Variants in GRIK2 observed in about 807,000 individuals in gnomAD.
GRIK2 encodes glutamate receptor ionotropic, kainate 2.
In GRIK2, 32 loss-of-function variants were observed where a neutral mutation model predicts 100.3. The observed-to-expected ratio is 0.32, with a 90% CI of 0.24 to 0.43. The LOEUF (loss-of-function observed/expected upper bound fraction) is 0.43, where lower values mean the gene tolerates loss of function less well. Among genes scored for constraint, GRIK2 ranks in the 20% least tolerant of loss-of-function variants. The probability of loss-of-function intolerance (pLI) is 1.00; values close to 1 mark genes in which losing one functional copy is unlikely to be tolerated. For synonymous variants in GRIK2, 417 were observed against 389.4 expected (o/e 1.07, Z -0.83); for missense variants, 843 against 1,114.9 (o/e 0.76, Z 3.47).
At chr6:101,919,490 G>A (rs1789355108) in intron 12 of GRIK2, among the ~76,000 whole-genome samples, 2 of 151,790 alleles carry the variant, frequency 1.3e-5, no homozygotes, top group South Asian at 2.1e-4. Context: ...AAGTTATTTG[G>A]TTCAATTTTA....
intron 2 of GRIK2, among the ~76,000 whole-genome samples, chr6:101,557,987 C>G (rs1348339324): frequency 6.6e-6 from 1 of 152,222 alleles, no homozygotes; most frequent in Non-Finnish European, 1.5e-5. Context: ...CATACCTCAA[C>G]TGCCCTTCGG....
chr6:101,786,908 A>G (rs1001752571), intron 7 of GRIK2, among the ~76,000 whole-genome samples: 1 of 152,000 alleles, frequency 6.6e-6, no homozygotes, highest in Non-Finnish European at 1.5e-5. Context: ...TTATTTTTTA[A>G]AAGTTAGGTA....
chr6:102,058,003 GA>G (rs1344691135), intron 16 of GRIK2, among the ~76,000 whole-genome samples: 1 of 151,350 alleles, frequency 6.6e-6, no homozygotes, highest in Non-Finnish European at 1.5e-5. Flanking sequence ...CTATTGCAAT[GA>G]AAAAAAATGT....
At chr6:101,648,032 A>C (rs533582526) in intron 4 of GRIK2, among the ~76,000 whole-genome samples, 8 of 152,178 alleles carry the variant, frequency 5.3e-5, no homozygotes, top group Admixed American at 5.2e-4. Context: ...TGACAATTAA[A>C]AATATCTCCA....
At chr6:101,987,781 T>A (rs1794101759) in intron 14 of GRIK2, among the ~76,000 whole-genome samples, 1 of 151,538 alleles carries the variant, frequency 6.6e-6, no homozygotes, top group East Asian at 1.9e-4. Flanking sequence ...GTGTAGGTAA[T>A]CAACATAAAT....
chr6:101,783,622 GA>G (rs1779242711), intron 7 of GRIK2, among the ~76,000 whole-genome samples: 1 of 152,196 alleles, frequency 6.6e-6, no homozygotes, highest in Non-Finnish European at 1.5e-5. Context: ...AAGTACACAG[GA>G]AAGTGGGGAA....
chr6:101,603,593 AC>A (rs1779319056), intron 2 of GRIK2, among the ~76,000 whole-genome samples: 2 of 151,734 alleles, frequency 1.3e-5, no homozygotes, highest in African/African-American at 4.8e-5. Context: ...TTTGCTTCTT[AC>A]TCTCTTTTGG....
chr6:101,617,409 C>T (rs1779939081), intron 2 of GRIK2, among the ~76,000 whole-genome samples: 1 of 151,762 alleles, frequency 6.6e-6, no homozygotes, highest in Non-Finnish European at 1.5e-5. Context: ...AGATTCATCT[C>T]ATGTTATTGC....
intron 2 of GRIK2, among the ~76,000 whole-genome samples, chr6:101,492,192 A>G (rs1250028359): frequency 3.3e-5 from 5 of 151,908 alleles, no homozygotes; most frequent in African/African-American, 1.2e-4. Context: ...CCTTTTACTT[A>G]TTAGTTTAAA....
rs543786658 is a variant in GRIK2, at chr6:102,025,945, T to C, written c.2086-9396T>C. ...TCTCCTCACCTGAAAAGGCCTGGCG[T>C]TAAGGGCCATGTTGGTTAAAGCTCC... On this transcript the variant is annotated intron_variant, in intron 14 of 16. Transcript: ENST00000369134. 3.3e-5 allele frequency among the ~76,000 whole-genome samples: 5 copies of C among 150,694 alleles called. No homozygotes were observed. The South Asian group carries it at 8.3e-4, about 25-fold the overall frequency.
chr6:101,442,994 G>T (rs977166353), intron 2 of GRIK2, among the ~76,000 whole-genome samples: 1 of 152,100 alleles, frequency 6.6e-6, no homozygotes, highest in East Asian at 1.9e-4. Flanking sequence ...ATAGAATAGT[G>T]CATGAATAAT....
At chr6:101,503,371 G>A (rs990813245) in intron 2 of GRIK2, among the ~76,000 whole-genome samples, 1 of 152,062 alleles carries the variant, frequency 6.6e-6, no homozygotes, top group Non-Finnish European at 1.5e-5. Context: ...GAGGAAGAAG[G>A]GGGGAAAGAG....
At chr6:101,531,660 A>C (rs2128284929) in intron 2 of GRIK2, among the ~76,000 whole-genome samples, 1 of 152,030 alleles carries the variant, frequency 6.6e-6, no homozygotes, top group Admixed American at 6.6e-5. Context: ...CATTATGAAT[A>C]GTTCCCTTAA....
chr6:101,938,417 T>G (rs1027260302), intron 14 of GRIK2, among the ~76,000 whole-genome samples: 2 of 152,140 alleles, frequency 1.3e-5, no homozygotes, highest in African/African-American at 2.4e-5. Flanking sequence ...TGCTTGTTCA[T>G]AAGTGTTGAT....
At chr6:101,815,620 T>TAAA (rs3995810) in intron 9 of GRIK2, among the ~76,000 whole-genome samples, 199 of 142,178 alleles carry the variant, frequency 1.4e-3, no homozygotes, top group East Asian at 4.6e-3. Flanking sequence ...GTTTCAGAGC[T>TAAA]AAAAAAAAAA....
At chr6:101,615,605 C>T (rs1779854904) in intron 2 of GRIK2, among the ~76,000 whole-genome samples, 1 of 151,754 alleles carries the variant, frequency 6.6e-6, no homozygotes, top group East Asian at 1.9e-4. Flanking sequence ...GCAATTATCT[C>T]TTCATGGATC....
intron 11 of GRIK2, among the ~76,000 whole-genome samples, chr6:101,860,581 A>G (rs1784678472): frequency 6.6e-6 from 1 of 152,156 alleles, no homozygotes; most frequent in South Asian, 2.1e-4. Flanking sequence ...CATTCTCTGA[A>G]GATGGCTATA....
At chr6:101,744,185 G>A (rs371707154) in intron 7 of GRIK2, among the ~76,000 whole-genome samples, 13 of 151,766 alleles carry the variant, frequency 8.6e-5, no homozygotes, top group South Asian at 8.3e-4. Context: ...CTCATGATCC[G>A]CCCGCCTCGG....
chr6:101,513,596 T>G (rs978900633), intron 2 of GRIK2, among the ~76,000 whole-genome samples: 3 of 152,164 alleles, frequency 2.0e-5, no homozygotes, highest in African/African-American at 7.2e-5. Flanking sequence ...CTTTATCTTG[T>G]AATATTATGC....
Sources: allele counts gnomAD v4.1 joint callset (sites outside exome capture counted in the v4.1 genomes callset), GRCh38; gene constraint gnomAD v4.1.1; transcripts MANE v1.5; gene names NCBI Gene and HGNC (gene_info 2026-07-23, HGNC 2026-07-21).